The following FMNL2 variants were observed in gnomAD, a reference collection of about 807,000 sequenced individuals.
FMNL2 encodes the protein formin-like protein 2.
FMNL2 carries 51 observed loss-of-function variants against 130.2 expected under a neutral mutation model. The observed-to-expected ratio is 0.39, with a 90% CI of 0.31 to 0.49. The LOEUF (loss-of-function observed/expected upper bound fraction) is 0.49. Among genes scored for constraint, FMNL2 ranks in the 20% least tolerant of loss-of-function variants. The pLI, the probability that FMNL2 is intolerant of heterozygous loss-of-function variation, is 0.85. For synonymous variants in FMNL2, 465 were observed against 467.1 expected, an observed-to-expected ratio of 1.00 and a Z score of 0.06; for missense variants, 977 against 1,316.2, an observed-to-expected ratio of 0.74 and a Z score of 3.99.
At chr2:152,461,571 A>G (rs1237375191) in intron 1 of FMNL2, among the ~76,000 whole-genome samples, 1 of 152,212 alleles carries the variant, frequency 6.6e-6, no homozygotes, top group East Asian at 1.9e-4. Flanking sequence ...AATCTGAATT[A>G]AAAATTAATT....
rs563018835 is a variant in FMNL2, at chr2:152,357,062, C to T, written c.117+21342C>T. 3.6e-5 allele frequency among the ~76,000 whole-genome samples: 5 copies of T among 139,076 alleles called. 1 individual carries two copies. The highest frequency in any genetic ancestry group is 2.4e-4 in the South Asian group (1 of 4,230). 91.2% of individuals were successfully genotyped at this position (139,076 alleles called of 152,430 possible). ...GTTTAATATATCACGATAAATATTA[C>T]ATAAGTTTAATATATCACGATAAAT... On this transcript the variant is annotated intron_variant, in intron 1 of 25. Transcript: ENST00000288670.
chr2:152,568,392 T>A (rs555162907), intron 6 of FMNL2, among the ~76,000 whole-genome samples: 42 of 152,128 alleles, frequency 2.8e-4, no homozygotes, highest in African/African-American at 9.4e-4. Flanking sequence ...ATTTTTGTAT[T>A]TTTAGTAGAG....
At chr2:152,426,623 A>G (rs1687216307) in intron 1 of FMNL2, among the ~76,000 whole-genome samples, 1 of 152,150 alleles carries the variant, frequency 6.6e-6, no homozygotes, top group African/African-American at 2.4e-5. Context: ...GGTGGGGCCC[A>G]GATACTGATG....
intron 1 of FMNL2, among the ~76,000 whole-genome samples, chr2:152,370,900 C>T (rs1427300351): frequency 6.6e-6 from 1 of 152,212 alleles, no homozygotes; most frequent in African/African-American, 2.4e-5. Context: ...GGGCCTCTCA[C>T]GAGGTCGCAA....
At chr2:152,619,945 G>C (rs1005098697) in intron 15 of FMNL2, among the ~76,000 whole-genome samples, 7 of 152,080 alleles carry the variant, frequency 4.6e-5, no homozygotes, top group African/African-American at 1.4e-4. Context: ...GGGAGGTTCT[G>C]ATCTCCTACA....
chr2:152,469,402 C>T (rs1359294790), intron 1 of FMNL2, among the ~76,000 whole-genome samples: 2 of 152,228 alleles, frequency 1.3e-5, no homozygotes, highest in African/African-American at 4.8e-5. Context: ...TCATTATCCA[C>T]CTACTTCTGA....
chr2:152,607,976 A>G (rs1398966716), intron 10 of FMNL2, among the ~76,000 whole-genome samples: 5 of 152,140 alleles, frequency 3.3e-5, no homozygotes, highest in Non-Finnish European at 5.9e-5. Flanking sequence ...GGTGACATAC[A>G]AGAACATGCG....
intron 2 of FMNL2, among the ~76,000 whole-genome samples, chr2:152,528,915 A>G (rs1029724584): frequency 6.6e-6 from 1 of 152,200 alleles, no homozygotes; most frequent in African/African-American, 2.4e-5. Context: ...GGGAGAAAGA[A>G]CATGCAAATG....
At chr2:152,375,877 C>CTCTCTCTCTCTCTCTATA (rs796954245) in intron 1 of FMNL2, among the ~76,000 whole-genome samples, 7 of 112,484 alleles carry the variant, frequency 6.2e-5, no homozygotes, top group East Asian at 5.4e-4. Context: ...CTCTCTCTCT[C>CTCTCTCTCTCTCTCTATA]TATATATATA....
chr2:152,583,261 G>A (rs1035272571), intron 9 of FMNL2, among the ~76,000 whole-genome samples: 3 of 152,172 alleles, frequency 2.0e-5, no homozygotes, highest in South Asian at 2.1e-4. Context: ...ACTGTCCTTG[G>A]CATAGGCATT....
chr2:152,643,679 A>C, intron 25 of FMNL2: 1 of 1,435,568 alleles, frequency 7.0e-7, no homozygotes, highest in Non-Finnish European at 9.1e-7. Context: ...TTTGCATTTC[A>C]ATTATTATTG....
At chr2:152,482,941 C>G (rs76521038) in intron 1 of FMNL2, among the ~76,000 whole-genome samples, 2 of 152,048 alleles carry the variant, frequency 1.3e-5, no homozygotes, top group African/African-American at 4.8e-5. Context: ...CTCCTGGGGT[C>G]TTCTGTTTCA....
chr2:152,387,973 T>G (rs1684879067), intron 1 of FMNL2, among the ~76,000 whole-genome samples: 2 of 152,074 alleles, frequency 1.3e-5, no homozygotes, highest in African/African-American at 4.8e-5. Context: ...CTTTCCACAG[T>G]TTTTTCTGTC....
chr2:152,600,515 C>T (rs370165261), intron 9 of FMNL2, among the ~76,000 whole-genome samples: 1 of 152,140 alleles, frequency 6.6e-6, no homozygotes, highest in African/African-American at 2.4e-5. Flanking sequence ...AGTGTGTTCA[C>T]TTCAACATCT....
At chr2:152,614,345 C>T (rs748997853) in intron 11 of FMNL2, among the ~76,000 whole-genome samples, 14 of 152,214 alleles carry the variant, frequency 9.2e-5, no homozygotes, top group African/African-American at 1.2e-4. Context: ...CGTATTCACC[C>T]GAAAGTCATC....
At chr2:152,339,209 C>T (rs1350359368) in intron 1 of FMNL2, among the ~76,000 whole-genome samples, 1 of 151,708 alleles carries the variant, frequency 6.6e-6, no homozygotes, top group Non-Finnish European at 1.5e-5. Context: ...TTTTTAAGCT[C>T]ATCGGCTATC....
At chr2:152,456,955 A>T (rs1688992338) in intron 1 of FMNL2, among the ~76,000 whole-genome samples, 2 of 149,530 alleles carry the variant, frequency 1.3e-5, no homozygotes, top group Non-Finnish European at 3.0e-5. Flanking sequence ...AAAAAAAAAA[A>T]TTGCTACAAA....
intron 1 of FMNL2, among the ~76,000 whole-genome samples, chr2:152,458,455 C>T (rs1235450175): frequency 6.6e-6 from 1 of 152,164 alleles, no homozygotes; most frequent in Non-Finnish European, 1.5e-5. Flanking sequence ...TGGGTCATTC[C>T]TTCCAAACCA....
rs180781825 is a variant in FMNL2, at chr2:152,430,879, A to G, written c.118-91064A>G. Among the ~76,000 whole-genome samples the G allele has an allele frequency of 9.1e-4, 138 of 151,540 alleles. 2 individuals are homozygous for G. In the East Asian group the frequency reaches 0.022, roughly 25 times the overall value. ...CAGAGTGAGACTTGGTCTCGAAAAT[A>G]TATATATATATATGTTTATTTCAGC... On this transcript the variant is annotated intron_variant, in intron 1 of 25. Coordinates refer to ENST00000288670, the MANE Select transcript of FMNL2 (RefSeq NM_052905.4).
Sources: gnomAD v4.1 joint callset for allele counts (sites outside exome capture counted in the v4.1 genomes callset) on GRCh38, gnomAD v4.1.1 for gene constraint, MANE v1.5 for transcripts, NCBI Gene and HGNC (gene_info 2026-07-23, HGNC 2026-07-21) for gene names.